ARHGEF18: variants seen among roughly 807,000 people sequenced by gnomAD.
ARHGEF18 encodes the protein Rho/Rac guanine nucleotide exchange factor 18, also known as rho guanine nucleotide exchange factor 18.
ARHGEF18 carries 93 observed loss-of-function variants against 155.7 expected under a neutral mutation model. The observed-to-expected ratio is 0.60, with a 90% CI of 0.50 to 0.71. The LOEUF (loss-of-function observed/expected upper bound fraction) is 0.71. Among genes scored for constraint, ARHGEF18 ranks in the 30% least tolerant of loss-of-function variants. The pLI is 0.00. For synonymous variants in ARHGEF18, 742 were observed against 753.1 expected, an observed-to-expected ratio of 0.99 and a Z score of 0.24; for missense variants, 1,593 against 1,816.1, an observed-to-expected ratio of 0.88 and a Z score of 2.23.
At chr19:7,428,865 G>A (rs1766999161) in intron 10 of ARHGEF18, among the ~76,000 whole-genome samples, 1 of 152,208 alleles carries the variant, frequency 6.6e-6, no homozygotes, top group Admixed American at 6.5e-5. Context: ...CTGTGTGCTC[G>A]TGCCGCAATG....
At chr19:7,441,835 T>C (rs1974665790) in intron 12 of ARHGEF18, 70 bp downstream of exon 12, 1 of 1,612,142 alleles carries the variant, frequency 6.2e-7, no homozygotes, top group African/African-American at 1.3e-5. Context: ...CTGGGGCTCG[T>C]GTCAGCATGT....
Position 7,419,378 on chromosome 19 carries a change from G to A in ARHGEF18, c.968-20966G>A, listed in dbSNP as rs563084134. On this transcript the variant is annotated intron_variant, in intron 10 of 28. Coordinates refer to ENST00000668164, the MANE Select transcript of ARHGEF18 (RefSeq NM_001367823.1). ...CCAGATGCGCCCACACTTGCCCCCT[G>A]CACCCAGATGCACCCACACTCAGCC... is the stretch of plus-strand genomic sequence containing the variant. Among the ~76,000 whole-genome samples, 6 of 138,636 alleles carry A rather than the reference G, an allele frequency of 4.3e-5. No individual in the cohort carries two copies. The East Asian group carries it at 1.3e-3, about 30-fold the overall frequency. 91.0% of individuals were successfully genotyped at this position (138,636 alleles called of 152,430 possible).
At chr19:7,379,716 C>T (rs1344621333) in intron 7 of ARHGEF18, among the ~76,000 whole-genome samples, 1 of 152,136 alleles carries the variant, frequency 6.6e-6, no homozygotes, top group Non-Finnish European at 1.5e-5. Flanking sequence ...GCCTAAGACA[C>T]TGCCATCTGT....
chr19:7,430,449 C>T (rs891869859), intron 10 of ARHGEF18, among the ~76,000 whole-genome samples: 125 of 151,940 alleles, frequency 8.2e-4, no homozygotes, highest in African/African-American at 2.5e-3. Flanking sequence ...GTGATCCTCC[C>T]GCCTCAGCCC....
Position 7,446,655 on chromosome 19 carries a change from C to T in ARHGEF18, c.1612-388C>T, listed in dbSNP as rs532362061. On this transcript the variant is annotated intron_variant, in intron 14 of 28. Coordinates refer to ENST00000668164, the MANE Select transcript of ARHGEF18 (RefSeq NM_001367823.1). The stretch of plus-strand genomic sequence containing the variant: ...ACTCAGGAGGCTGAGGCAGGAGAAT[C>T]GCTTGACCCCGGGAGGTGGAGGTTG... Among the ~76,000 whole-genome samples the T allele has an allele frequency of 2.7e-3, 417 of 152,012 alleles. 2 individuals are homozygous for T. The highest frequency in any genetic ancestry group is 9.7e-3 in the African/African-American group (404 of 41,474).
chr19:7,403,734 G>A (rs540942053), intron 10 of ARHGEF18, among the ~76,000 whole-genome samples: 2 of 151,784 alleles, frequency 1.3e-5, no homozygotes, highest in South Asian at 2.1e-4. Context: ...ATGAAGCCTC[G>A]CCGTGTTGCC....
intron 10 of ARHGEF18, among the ~76,000 whole-genome samples, chr19:7,433,234 A>G (rs1974063049): frequency 6.6e-6 from 1 of 151,970 alleles, no homozygotes; most frequent in Non-Finnish European, 1.5e-5. Flanking sequence ...TGGGAGGCCA[A>G]GGCGGGTGGA....
At chr19:7,451,391 C>A in intron 16 of ARHGEF18, 125 bp downstream of exon 16, 2 of 612,130 alleles carry the variant, frequency 3.3e-6, no homozygotes, top group Non-Finnish European at 5.4e-6. Flanking sequence ...TTGCTGGGTG[C>A]TGGGGTTCCT....
intron 2 of ARHGEF18, among the ~76,000 whole-genome samples, chr19:7,369,527 G>T (rs922723522): frequency 6.6e-6 from 1 of 151,440 alleles, no homozygotes; most frequent in East Asian, 2.0e-4. Flanking sequence ...GGCTGGGCAC[G>T]GTGGCTCATG....
chr19:7,440,049 A>G lies in ARHGEF18; in HGVS notation c.968-295A>G, dbSNP rs1444784742. ...TAGAAGGATCCCACCGAGGCATAAA[A>G]ACGGCGCAGCCCAGCCTGGCGCCGC... On this transcript the variant is annotated intron_variant, in intron 10 of 28. Transcript: ENST00000668164. This position sits in a 1 kb window ranked among gnomAD's most constrained non-coding sequence, Gnocchi z 5.4. 2 of 1,550,558 alleles carry G rather than the reference A, an allele frequency of 1.3e-6. No individual in the cohort carries two copies. The highest frequency in any genetic ancestry group is 2.0e-5 in the Admixed American group (1 of 50,952).
At chr19:7,428,861 G>T (rs182466157) in intron 10 of ARHGEF18, among the ~76,000 whole-genome samples, 22 of 152,328 alleles carry the variant, frequency 1.4e-4, no homozygotes, top group Admixed American at 1.4e-3. Context: ...ATGGCTGTGT[G>T]CTCGTGCCGC....
downstream of ARHGEF18, chr19:7,477,287 A>C (rs1977260840): frequency 6.3e-7 from 1 of 1,583,724 alleles, no homozygotes; most frequent in Non-Finnish European, 8.6e-7. Flanking sequence ...CATGAGGCCC[A>C]CTAGCCACGG....
chr19:7,419,104 T>C (rs144281850), intron 10 of ARHGEF18, among the ~76,000 whole-genome samples: 7,649 of 119,426 alleles, frequency 0.064, 1,077 homozygotes, highest in African/African-American at 0.23. Context: ...TACCCACACT[T>C]GGCCTCTGTA....
intron 18 of ARHGEF18, among the ~76,000 whole-genome samples, chr19:7,458,297 TAAAA>T (rs35712455): frequency 1.1e-5 from 1 of 92,322 alleles, no homozygotes. Flanking sequence ...CAAGATAGTT[TAAAA>T]AAAAAAAAAA....
intron 15 of ARHGEF18, among the ~76,000 whole-genome samples, chr19:7,450,630 A>AGATGTTAACGCGGGATCTTGCTGTCCG (rs1568347731): frequency 6.3e-3 from 1 of 158 alleles, no homozygotes; most frequent in Admixed American, 0.05. Flanking sequence ...TTCCATTTCC[A>AGATGTTAACGCGGGATCTTGCTGTCCG]TTTCCAAGAT....
chr19:7,463,889 T>A lies in ARHGEF18; in HGVS notation c.2707T>A (p.Ser903Thr). 1 of 1,601,386 alleles carries A rather than the reference T, an allele frequency of 6.2e-7. No homozygotes were observed. Among genetic ancestry groups the A allele is most frequent in the East Asian group, 2.3e-5 (1 of 44,430 alleles). Residue 903 changes from serine to threonine, a missense_variant, in exon 22 of 29, where the codon TCC becomes ACC. Coordinates refer to ENST00000668164, the MANE Select transcript of ARHGEF18 (RefSeq NM_001367823.1). The surrounding 1 kb of genome is among the most constrained non-coding windows in gnomAD (Gnocchi z 5.2). ...ANGQAEDGGS[S>T]TGPPRRAETF... The stretch of plus-strand genomic sequence containing the variant: ...CGGCCAGGCGGAAGACGGAGGCAGC[T>A]CCACAGGCCCGCCCAGGAGGGCTGA...
rs932426108 is a variant in ARHGEF18, at chr19:7,470,742, C to T, written c.*444C>T. 6.0e-5 allele frequency: 24 copies of T among 400,714 alleles called. No individual in the cohort carries two copies. Among genetic ancestry groups the T allele is most frequent in the Non-Finnish European group, 5.7e-5 (13 of 226,088 alleles). 24.8% of individuals were successfully genotyped at this position (400,714 alleles called of 1,614,324 possible). A position where few individuals can be genotyped will look rare whatever the true frequency, so the allele number is the denominator to read the frequency against. On this transcript the variant is annotated 3_prime_UTR_variant, in exon 29 of 29. Coordinates refer to ENST00000668164, the MANE Select transcript of ARHGEF18 (RefSeq NM_001367823.1). This position sits in a 1 kb window ranked among gnomAD's most constrained non-coding sequence, Gnocchi z 5.9. ...CCGGGGCCACGCTCCACAGCCGCCG[C>T]GCGACAGTGGAGCCAAGGGTTAGGG...
rs71179104 is a variant in ARHGEF18 at position 7,407,961 on chromosome 19, C to CAAAAAAAAAAAA, written c.967+24773_967+24784dup. ...TGGGCAACAGAGCGAGACTCCGTCT[C>CAAAAAAAAAAAA]AAAAAAAAAAAAAAAAAAAAAAAAA... On this transcript the variant is annotated intron_variant, in intron 10 of 28. Coordinates refer to ENST00000668164, the MANE Select transcript of ARHGEF18 (RefSeq NM_001367823.1). Among the ~76,000 whole-genome samples the CAAAAAAAAAAAA allele has an allele frequency of 2.9e-3, 141 of 48,830 alleles. 11 individuals carry two copies. The highest frequency in any genetic ancestry group is 0.013 in the African/African-American group (129 of 9,620). 32.0% of individuals were successfully genotyped at this position (48,830 alleles called of 152,430 possible).
chr19:7,422,362 G>A (rs1411424062), intron 10 of ARHGEF18, among the ~76,000 whole-genome samples: 1 of 99,830 alleles, frequency 1.0e-5, no homozygotes, highest in South Asian at 3.7e-4. Flanking sequence ...ATGCCCCCCC[G>A]CCCCGCGCAG....
Sources: allele counts gnomAD v4.1 joint callset (sites outside exome capture counted in the v4.1 genomes callset), GRCh38; gene constraint gnomAD v4.1.1; non-coding constraint Gnocchi (gnomAD v3.1); transcripts MANE v1.5; gene names NCBI Gene and HGNC (gene_info 2026-07-23, HGNC 2026-07-21).